Variants in LOC728743 observed in about 807,000 individuals in gnomAD.
At chr7:150,408,160 C>T in the LOC728743 span, 10 of 391,756 alleles carry the variant, frequency 2.6e-5, no homozygotes, top group East Asian at 3.6e-4. Context: ...CGCTCAAGAC[C>T]CATCAGCGCA....
the LOC728743 span, chr7:150,407,794 A>C: frequency 9.9e-6 from 4 of 403,534 alleles, no homozygotes; most frequent in Admixed American, 8.8e-5. Flanking sequence ...CGCACGCCGG[A>C]GCGGGCCGCG....
the LOC728743 span, chr7:150,405,729 A>G: frequency 6.6e-6 from 1 of 151,938 alleles, no homozygotes; most frequent in Non-Finnish European, 1.5e-5. Context: ...AGCTCTCCCG[A>G]TTAATGCAGC....
chr7:150,403,363 C>G, the LOC728743 span, among the ~76,000 whole-genome samples: 1 of 152,202 alleles, frequency 6.6e-6, no homozygotes, highest in Non-Finnish European at 1.5e-5. This position sits in a 1 kb window ranked among gnomAD's most constrained non-coding sequence, Gnocchi z 5.1. Context: ...ACCCCCATCC[C>G]CTAGCCGTGT....
chr7:150,405,508 G>A, the LOC728743 span: 6 of 151,966 alleles, frequency 3.9e-5, no homozygotes, highest in East Asian at 1.2e-3. Context: ...TGGCTCCGCG[G>A]GGGGGCGCTG....
chr7:150,403,265 G>A, the LOC728743 span, among the ~76,000 whole-genome samples: 3 of 152,326 alleles, frequency 2.0e-5, no homozygotes, highest in East Asian at 5.8e-4. This position sits in a 1 kb window ranked among gnomAD's most constrained non-coding sequence, Gnocchi z 5.1. Flanking sequence ...TGGCAGAGCA[G>A]AGAATGGAGG....
chr7:150,407,793 G>A, the LOC728743 span: 2 of 403,622 alleles, frequency 5.0e-6, no homozygotes, highest in Admixed American at 4.4e-5. Flanking sequence ...GCGCACGCCG[G>A]AGCGGGCCGC....
At chr7:150,401,255 G>A in the LOC728743 span, among the ~76,000 whole-genome samples, 1 of 152,210 alleles carries the variant, frequency 6.6e-6, no homozygotes, top group Admixed American at 6.5e-5. Flanking sequence ...CAAGGGACAC[G>A]AGCTTCAAGT....
chr7:150,401,530 T>C, the LOC728743 span, among the ~76,000 whole-genome samples: 13 of 152,246 alleles, frequency 8.5e-5, no homozygotes, highest in African/African-American at 2.4e-4. Context: ...AGGAGGAGTA[T>C]TGGGGCCAAA....
the LOC728743 span, chr7:150,412,076 C>T: frequency 6.6e-6 from 1 of 152,324 alleles, no homozygotes; most frequent in Non-Finnish European, 1.5e-5. Flanking sequence ...ACAGTTAGCT[C>T]CCTGAGGGCA....
At chr7:150,407,935 G>A in the LOC728743 span, 1 of 412,084 alleles carries the variant, frequency 2.4e-6, no homozygotes, top group Non-Finnish European at 4.3e-6. Context: ...TCAGCCTCAA[G>A]CAGAACCTGC....
At chr7:150,402,883 A>G in the LOC728743 span, among the ~76,000 whole-genome samples, 1 of 152,212 alleles carries the variant, frequency 6.6e-6, no homozygotes, top group Admixed American at 6.5e-5. Context: ...AGTCTGGGAC[A>G]GGGTTCACCT....
At chr7:150,401,925 T>C in the LOC728743 span, among the ~76,000 whole-genome samples, 1 of 152,226 alleles carries the variant, frequency 6.6e-6, no homozygotes, top group Non-Finnish European at 1.5e-5. Context: ...GAAACATTGT[T>C]TCTTTTCCCT....
chr7:150,406,705 C>T, the LOC728743 span, among the ~76,000 whole-genome samples: 1 of 152,110 alleles, frequency 6.6e-6, no homozygotes, highest in Non-Finnish European at 1.5e-5. Context: ...GAAGAGGATC[C>T]TTTGGAGAAG....
the LOC728743 span, among the ~76,000 whole-genome samples, chr7:150,406,558 C>A: frequency 6.6e-5 from 10 of 152,284 alleles, no homozygotes; most frequent in East Asian, 1.5e-3. Context: ...TGCTCTGTGA[C>A]CTTGGCAAGT....
chr7:150,407,690 G>T, the LOC728743 span: 199 of 399,080 alleles, frequency 5.0e-4, no homozygotes, highest in Non-Finnish European at 7.5e-4. Context: ...GCGAGGCCTG[G>T]TCATCCACCA....
the LOC728743 span, among the ~76,000 whole-genome samples, chr7:150,408,886 T>C: frequency 6.6e-6 from 1 of 152,170 alleles, no homozygotes; most frequent in African/African-American, 2.4e-5. Flanking sequence ...CTTAGTTGAT[T>C]CTGCCACACC....
chr7:150,409,884 G>T, the LOC728743 span, among the ~76,000 whole-genome samples: 1 of 152,144 alleles, frequency 6.6e-6, no homozygotes, highest in African/African-American at 2.4e-5. Flanking sequence ...ACTCCCAGGT[G>T]CTGTAGACTA....
At chr7:150,410,124 C>G in the LOC728743 span, 1 of 398,628 alleles carries the variant, frequency 2.5e-6, no homozygotes, top group Non-Finnish European at 4.4e-6. Context: ...GTCACGGCTC[C>G]ACACCTGATC....
At chr7:150,410,020 G>C in the LOC728743 span, 27,555 of 397,086 alleles carry the variant, frequency 0.069, 1,216 homozygotes, top group Non-Finnish European at 0.095. Context: ...CTTGGTAGGG[G>C]ACAAAGAGGA....
Sources: allele counts gnomAD v4.1 joint callset (sites outside exome capture counted in the v4.1 genomes callset), GRCh38; gene constraint gnomAD v4.1.1; non-coding constraint Gnocchi (gnomAD v3.1); transcripts MANE v1.5.